Variants in ZNF492 observed in about 807,000 individuals in gnomAD.
The protein encoded by ZNF492 is zinc finger protein 115 (Y20).
In ZNF492, 3 loss-of-function variants were observed where a neutral mutation model predicts 6.4. The observed-to-expected ratio is 0.47, with a 90% CI of 0.21 to 1.22. The LOEUF is 1.22. Among genes scored for constraint, ZNF492 ranks in the 50% most tolerant of loss-of-function variants. ZNF492 has a pLI of 0.22. For synonymous variants in ZNF492, 112 were observed against 205.3 expected, an observed-to-expected ratio of 0.55 and a Z score of 3.89; for missense variants, 356 against 612.5, an observed-to-expected ratio of 0.58 and a Z score of 4.42.
chr19:22,659,010 C>G (rs879569998), intron 3 of ZNF492, among the ~76,000 whole-genome samples: 2 of 151,948 alleles, frequency 1.3e-5, no homozygotes, highest in Non-Finnish European at 2.9e-5. Flanking sequence ...ATTCTGTATA[C>G]TCGAGGGATT....
At chr19:22,662,867 T>C (rs1237659320) in intron 3 of ZNF492, among the ~76,000 whole-genome samples, 1 of 152,084 alleles carries the variant, frequency 6.6e-6, no homozygotes, top group Non-Finnish European at 1.5e-5. Context: ...GCATAGATTT[T>C]CTCCCATTCT....
Position 22,667,511 on chromosome 19 carries a change from A to T in ZNF492, c.*2246A>T, listed in dbSNP as rs959691253. ...TAAATGAGGTATCCATCACCTTTAGAATTTATTTTTTGTATTATGAACAGT... is the reference window on the plus strand; with the variant it reads ...TAAATGAGGTATCCATCACCTTTAGTATTTATTTTTTGTATTATGAACAGT... On this transcript the variant is annotated 3_prime_UTR_variant, in exon 4 of 4. Coordinates refer to ENST00000456783, the MANE Select transcript of ZNF492 (RefSeq NM_020855.3). The T allele has an allele frequency of 5.1e-4, 77 of 152,084 alleles. No homozygotes were observed. Among genetic ancestry groups the T allele is most frequent in the African/African-American group, 1.7e-3 (71 of 41,530 alleles). The allele number at this position is 152,084 out of a possible 1,614,324, so 9.4% of individuals were successfully genotyped here.
intron 1 of ZNF492, among the ~76,000 whole-genome samples, chr19:22,639,723 AAAAAG>A (rs1007635224): frequency 4.3e-4 from 65 of 151,444 alleles, no homozygotes; most frequent in African/African-American, 1.2e-3. Flanking sequence ...AAAAAAAAAA[AAAAAG>A]AAAAGAAAAG....
At position 22,665,472 on chromosome 19, in the gene ZNF492, G is replaced by A. The variant is rs1994646; in HGVS notation, c.*207G>A. ...AAGTAAAAAAGTGATTAATATCTGTGCACATCTTATTCAACATCAGAGTTT... is the reference window on the plus strand; with the variant it reads ...AAGTAAAAAAGTGATTAATATCTGTACACATCTTATTCAACATCAGAGTTT... On this transcript the variant is annotated 3_prime_UTR_variant, in exon 4 of 4. Coordinates refer to ENST00000456783, the MANE Select transcript of ZNF492 (RefSeq NM_020855.3). The A allele has an allele frequency of 9.6e-6, 10 of 1,044,538 alleles. No individual in the cohort carries two copies. The highest frequency in any genetic ancestry group is 1.3e-5 in the Non-Finnish European group (10 of 749,388). The allele number at this position is 1,044,538 out of a possible 1,614,324, so 64.7% of individuals were successfully genotyped here.
At chr19:22,659,595 G>C (rs35759467) in intron 3 of ZNF492, among the ~76,000 whole-genome samples, 23,443 of 140,388 alleles carry the variant, frequency 0.17, 2,418 homozygotes, top group African/African-American at 0.3. Flanking sequence ...CACACACAGA[G>C]AGAGAGAGAG....
chr19:22,655,365 T>C (rs1192741968), intron 3 of ZNF492, among the ~76,000 whole-genome samples: 1 of 152,078 alleles, frequency 6.6e-6, no homozygotes, highest in African/African-American at 2.4e-5. Context: ...TCTCCAATTT[T>C]TTTTTATTGA....
intron 1 of ZNF492, among the ~76,000 whole-genome samples, chr19:22,652,134 A>T (rs1369131272): frequency 6.6e-6 from 1 of 151,624 alleles, no homozygotes; most frequent in Non-Finnish European, 1.5e-5. Context: ...TATAGAGTTA[A>T]TTATTTTTCT....
intron 1 of ZNF492, among the ~76,000 whole-genome samples, chr19:22,652,895 A>G (rs539054199): frequency 7.2e-5 from 11 of 152,244 alleles, no homozygotes; most frequent in African/African-American, 1.2e-4. Context: ...TTCTGAAAAA[A>G]TAATCTGCAT....
At chr19:22,657,218 C>G (rs946066195) in intron 3 of ZNF492, among the ~76,000 whole-genome samples, 1 of 152,086 alleles carries the variant, frequency 6.6e-6, no homozygotes, top group Non-Finnish European at 1.5e-5. Context: ...AAAAAGATTA[C>G]AGGATTTTCA....
At position 22,664,842 on chromosome 19, in the gene ZNF492, G is replaced by T; in HGVS notation, c.1173G>T (p.Lys391Asn). ...ATAAGAGAATTCATACTGGAGAGAA[G>T]CCCTACAAATGTGAAGAATGTGGCA... ...TTHKRIHTGE[K>N]PYKCEECGKA... The change falls in exon 4 of 4, where the codon AAG (lysine) becomes AAT (asparagine). Residue 391 changes from lysine to asparagine, a missense_variant. Lys to Asn is a moderately conservative substitution (Grantham distance 94). Transcript: ENST00000456783. 2 of 1,593,330 alleles carry T rather than the reference G, an allele frequency of 1.3e-6. No homozygotes were observed. Among genetic ancestry groups the T allele is most frequent in the Non-Finnish European group, 8.5e-7 (1 of 1,171,560 alleles).
chr19:22,647,238 T>G (rs189235391), intron 1 of ZNF492, among the ~76,000 whole-genome samples: 86 of 149,666 alleles, frequency 5.7e-4, no homozygotes, highest in East Asian at 2.9e-3. Context: ...GCCAGTTTTT[T>G]TTTGTTTGTT....
intron 1 of ZNF492, among the ~76,000 whole-genome samples, chr19:22,635,379 C>T (rs908898857): frequency 6.6e-6 from 1 of 152,212 alleles, no homozygotes; most frequent in African/African-American, 2.4e-5. Flanking sequence ...TTCTGAAAAT[C>T]TCAAATGCCA....
At chr19:22,643,034 C>T (rs1971844332) in intron 1 of ZNF492, among the ~76,000 whole-genome samples, 1 of 152,070 alleles carries the variant, frequency 6.6e-6, no homozygotes, top group South Asian at 2.1e-4. Flanking sequence ...GAGGCCGAGG[C>T]GGGCTGATCA....
At chr19:22,642,082 C>T (rs1443374706) in intron 1 of ZNF492, among the ~76,000 whole-genome samples, 10 of 152,128 alleles carry the variant, frequency 6.6e-5, no homozygotes, top group Non-Finnish European at 1.3e-4. Flanking sequence ...CGTGAGCCAG[C>T]GCGCCCGGCC....
intron 1 of ZNF492, among the ~76,000 whole-genome samples, chr19:22,644,382 C>T (rs1971857298): frequency 6.6e-6 from 1 of 152,108 alleles, no homozygotes; most frequent in South Asian, 2.1e-4. Context: ...TCCCCTTGCC[C>T]CCCACTCCAC....
chr19:22,636,120 A>G (rs942961809), intron 1 of ZNF492, among the ~76,000 whole-genome samples: 1 of 145,558 alleles, frequency 6.9e-6, no homozygotes, highest in African/African-American at 2.6e-5. Context: ...TTTTTTTGAG[A>G]TGGAGTTTCG....
chr19:22,657,946 A>G lies in ZNF492; in HGVS notation c.130+3931A>G, dbSNP rs1302707214. Among the ~76,000 whole-genome samples, 9 of 152,238 alleles carry G rather than the reference A, an allele frequency of 5.9e-5. No homozygotes were observed. The East Asian group carries it at 1.7e-3, about 29-fold the overall frequency. ...CTTGTCTAAATGAGTAGTCATGGAA[A>G]TAGTCTTATTTTCACCTTGTGTTTA... On this transcript the variant is annotated intron_variant, in intron 3 of 3. Transcript: ENST00000456783.
intron 1 of ZNF492, among the ~76,000 whole-genome samples, chr19:22,647,607 A>ATTT (rs71180574): frequency 0.19 from 27,940 of 147,140 alleles, 3,390 homozygotes; most frequent in African/African-American, 0.36. Flanking sequence ...GGATTCATTG[A>ATTT]TTTTTTTTTG....
intron 1 of ZNF492, among the ~76,000 whole-genome samples, chr19:22,649,790 A>G (rs1971921284): frequency 6.6e-6 from 1 of 152,018 alleles, no homozygotes; most frequent in African/African-American, 2.4e-5. Context: ...TAGCTCCGTC[A>G]GGTCATTTAT....
Sources: allele counts gnomAD v4.1 joint callset (sites outside exome capture counted in the v4.1 genomes callset), GRCh38; gene constraint gnomAD v4.1.1; transcripts MANE v1.5; gene names NCBI Gene and HGNC (gene_info 2026-07-23, HGNC 2026-07-21).